TNKS1BP1: variants seen among roughly 807,000 people sequenced by gnomAD.
TNKS1BP1 encodes the protein CCR4-NOT transcription complex subunit 12.
Under a neutral mutation model 141.1 loss-of-function variants are expected in TNKS1BP1, and 48 were observed. The ratio of observed to expected loss-of-function variants is 0.34; its 90% CI spans 0.27 to 0.43. TNKS1BP1 has a LOEUF of 0.43. Among genes scored for constraint, TNKS1BP1 ranks in the 20% least tolerant of loss-of-function variants. TNKS1BP1 has a pLI of 1.00. For missense variants in TNKS1BP1, 2,149 were observed against 2,226.0 expected, an observed-to-expected ratio of 0.97 and a Z score of 0.70; for synonymous variants, 875 against 898.2, an observed-to-expected ratio of 0.97 and a Z score of 0.46.
Position 57,317,702 on chromosome 11 carries a change from C to G in TNKS1BP1, c.798+116G>C. On this transcript the variant is annotated intron_variant, in intron 4 of 11. Coordinates refer to ENST00000358252, the MANE Select transcript of TNKS1BP1 (RefSeq NM_033396.3). ...AGGGCCAGCCCTCCAGTGAGTCACT[C>G]TCCCCATGGGCCTCAGTTTCCCCAT... The G allele has an allele frequency of 3.6e-6, 4 of 1,113,342 alleles. No individual in the cohort carries two copies. The South Asian group carries it at 5.7e-5, about 16-fold the overall frequency. The allele number at this position is 1,113,342 out of a possible 1,614,324, so 69.0% of individuals were successfully genotyped here.
chr11:57,311,826 C>A (rs1199616925), intron 5 of TNKS1BP1, among the ~76,000 whole-genome samples: 1 of 152,272 alleles, frequency 6.6e-6, no homozygotes, highest in South Asian at 2.1e-4. Context: ...CTGCACAAGG[C>A]TAACCTCCTC....
Position 57,313,388 on chromosome 11 carries a change from G to A in TNKS1BP1, c.1300C>T (p.Gln434Ter). The change falls in exon 5 of 12, where the codon CAG (glutamine) becomes TAG (stop). Residue 434 changes from glutamine (Q) to a stop codon, truncating the protein, a stop_gained. Transcript: ENST00000358252. LOFTEE classifies it high-confidence loss of function. Reference protein sequence around the residue: ...VQRRFSEGVLQSPSQDQEKLG... With the variant: ...VQRRFSEGVL ...TTCTCCTGGTCCTGACTGGGTGACT[G>A]GAGCACACCTTCAGAGAATCGGCGC... is the stretch of plus-strand genomic sequence containing the variant. 2 of 1,612,470 alleles carry A rather than the reference G, an allele frequency of 1.2e-6. No individual in the cohort carries two copies. The highest frequency in any genetic ancestry group is 1.7e-6 in the Non-Finnish European group (2 of 1,179,522).
In TNKS1BP1 at chr11:57,308,688, C is replaced by G. The variant is rs768923914; in HGVS notation, c.4023G>C (p.Gln1341His). Residue 1341 changes from glutamine to histidine, a missense_variant, in exon 6 of 12, where the codon CAG becomes CAC. Physicochemically the swap from Gln to His is conservative, Grantham distance 24 (BLOSUM62 0). Transcript: ENST00000358252. ...SQGLRGCGVG[Q>H]MDWTQDLAPQ... is the part of the protein sequence containing the mutation. ...GCGCCAAGTCCTGGGTCCAGTCCAT[C>G]TGCCCCACTCCACATCCCCGTAGCC... The G allele has an allele frequency of 1.8e-5, 29 of 1,612,798 alleles. No individual in the cohort carries two copies. The highest frequency in any genetic ancestry group is 3.3e-5 in the Admixed American group (2 of 59,998).
In TNKS1BP1 at chr11:57,309,028, G is replaced by A; in HGVS notation, c.3683C>T (p.Thr1228Ile). Residue 1228 changes from threonine to isoleucine, a missense_variant, in exon 6 of 12, where the codon ACT (threonine) becomes ATT (isoleucine). Coordinates refer to ENST00000358252, the MANE Select transcript of TNKS1BP1 (RefSeq NM_033396.3). This position sits in a 1 kb window ranked among gnomAD's most constrained non-coding sequence, Gnocchi z 4.3. ...GGIGVGEKDWTSDVNVKSKDL... is the reference protein window; with the variant it reads ...GGIGVGEKDWISDVNVKSKDL... ...TTTGCTCTTCACATTAACATCAGAA[G>A]TCCAGTCCTTCTCCCCAACTCCGAT... The A allele has an allele frequency of 6.2e-7, 1 of 1,614,152 alleles. No homozygotes were observed. Among genetic ancestry groups the A allele is most frequent in the Non-Finnish European group, 8.5e-7 (1 of 1,180,024 alleles).
intron 6 of TNKS1BP1, among the ~76,000 whole-genome samples, chr11:57,307,264 A>AC (rs1473196064): frequency 6.6e-6 from 1 of 152,040 alleles, no homozygotes; most frequent in African/African-American, 2.4e-5. Context: ...GAGCCCAGCA[A>AC]CCTGCCCAGG....
At chr11:57,301,527 C>T (rs534621776) in intron 9 of TNKS1BP1, among the ~76,000 whole-genome samples, 26 of 152,336 alleles carry the variant, frequency 1.7e-4, no homozygotes, top group African/African-American at 6.0e-4. Context: ...TAAACTTCTT[C>T]TCTCATCCAG....
At position 57,309,893 on chromosome 11, in the gene TNKS1BP1, A is replaced by G; in HGVS notation, c.2818T>C (p.Tyr940His). The G allele has an allele frequency of 6.2e-7, 1 of 1,614,118 alleles. No individual in the cohort carries two copies. Among genetic ancestry groups the G allele is most frequent in the Non-Finnish European group, 8.5e-7 (1 of 1,180,018 alleles). The change falls in exon 6 of 12, where the codon TAT becomes CAT. Residue 940 changes from tyrosine (Y) to histidine (H), a missense_variant. Physicochemically the swap from Tyr to His is moderately conservative, Grantham distance 83. Transcript: ENST00000358252. The surrounding 1 kb of genome is among the most constrained non-coding windows in gnomAD (Gnocchi z 4.3). ...FQKRDVSLGTYGSRAAEPQEQ... is the reference protein window; with the variant it reads ...FQKRDVSLGTHGSRAAEPQEQ... Reference sequence around the variant, plus strand: ...TGTGGCTCCGCAGCCCGGCTGCCATAGGTGCCGAGTGACACATCTCTCTTC... The same window carrying G: ...TGTGGCTCCGCAGCCCGGCTGCCATGGGTGCCGAGTGACACATCTCTCTTC...
Position 57,320,216 on chromosome 11 carries a change from A to G in TNKS1BP1, c.591T>C (p.Tyr197=). The G allele has an allele frequency of 4.3e-6, 7 of 1,614,130 alleles. No individual in the cohort carries two copies. Among genetic ancestry groups the G allele is most frequent in the Non-Finnish European group, 5.9e-6 (7 of 1,180,018 alleles). ...TGGTCGTGCCATAGGTCCTGGGGCC[A>G]TATCGCGAGCTGCCATCGTGGTTAA... ...LTFNHDGSSR[Y]GPRTYGTTTA... The change falls in exon 3 of 12, where the codon TAT becomes TAC. Residue 197 remains tyrosine (Y), a synonymous_variant. Transcript: ENST00000358252.
At position 57,313,190 on chromosome 11, in the gene TNKS1BP1, T is replaced by C. The variant is rs756729891; in HGVS notation, c.1498A>G (p.Ile500Val). The change falls in exon 5 of 12, where the codon ATC (isoleucine) becomes GTC (valine). Residue 500 changes from isoleucine (I) to valine (V), a missense_variant. Physicochemically the swap from Ile to Val is conservative, Grantham distance 29. Coordinates refer to ENST00000358252, the MANE Select transcript of TNKS1BP1 (RefSeq NM_033396.3). Reference sequence around the variant, plus strand: ...TCGGCGGCCTCACTGGCTTCAGTGATGGGGGAGGGAGGCGGGGAGTCCAGC... The same window carrying C: ...TCGGCGGCCTCACTGGCTTCAGTGACGGGGGAGGGAGGCGGGGAGTCCAGC... ...WRLDSPPPSP[I>V]TEASEAAEAA... 1 of 1,612,434 alleles carries C rather than the reference T, an allele frequency of 6.2e-7. No homozygotes were observed. The highest frequency in any genetic ancestry group is 1.1e-5 in the South Asian group (1 of 91,058).
At chr11:57,312,393 A>C in intron 5 of TNKS1BP1, 141 bp downstream of exon 5, 1 of 875,960 alleles carries the variant, frequency 1.1e-6, no homozygotes, top group Non-Finnish European at 1.6e-6. Flanking sequence ...CTGCAGAGCT[A>C]CAATCTGCAG....
Position 57,307,965 on chromosome 11 carries a change from T to C in TNKS1BP1, c.4316+430A>G, listed in dbSNP as rs529710032. On this transcript the variant is annotated intron_variant, in intron 6 of 11. Transcript: ENST00000358252. ...TGGGTTCCACTGTCCACTCCACTCC[T>C]GGCTGTGGTGGCCCCAGCCAAGAAG... 3.3e-5 allele frequency among the ~76,000 whole-genome samples: 5 copies of C among 152,338 alleles called. No individual in the cohort carries two copies. The South Asian group carries it at 1.0e-3, about 32-fold the overall frequency.
At position 57,301,902 on chromosome 11, in the gene TNKS1BP1, C is replaced by T. The variant is rs755470741; in HGVS notation, c.4876G>A (p.Val1626Met). The change falls in exon 9 of 12, where the codon GTG (valine) becomes ATG (methionine). Residue 1626 changes from valine to methionine, a missense_variant. By Grantham distance (21) the Val-to-Met change is conservative (BLOSUM62 1). Transcript: ENST00000358252. ...SRVPSSDEEV[V>M]EEPQSRRTRM... Reference sequence around the variant, plus strand: ...GTCCGGCGGCTCTGAGGTTCCTCCACTACCTCTTCATCTGAAGATGGCACC... The same window carrying T: ...GTCCGGCGGCTCTGAGGTTCCTCCATTACCTCTTCATCTGAAGATGGCACC... 4 of 1,614,024 alleles carry T rather than the reference C, an allele frequency of 2.5e-6. No individual in the cohort carries two copies. In the African/African-American group the frequency reaches 5.3e-5, roughly 22 times the overall value.
rs776082623 is a variant in TNKS1BP1, at chr11:57,320,102, C to T, written c.705G>A (p.Glu235=). The T allele has an allele frequency of 2.1e-6, 3 of 1,456,764 alleles. No homozygotes were observed. The highest frequency in any genetic ancestry group is 2.8e-6 in the Non-Finnish European group (3 of 1,081,566). The allele number at this position is 1,456,764 out of a possible 1,614,324, so 90.2% of individuals were successfully genotyped here. The part of the protein sequence containing the change: ...PVKSPAECRE[E]HSKTPEERSL... ...ACCTCTCCTCAGGGGTCTTGCTGTGCTCTTCCCGGCACTCTGCTGGAGACT... is the reference window on the plus strand; with the variant it reads ...ACCTCTCCTCAGGGGTCTTGCTGTGTTCTTCCCGGCACTCTGCTGGAGACT... Residue 235 remains glutamate, a synonymous_variant, in exon 3 of 12, where the codon GAG becomes GAA. Transcript: ENST00000358252.
rs1590573151 is a variant in TNKS1BP1 at position 57,300,984 on chromosome 11, A to C, written c.5029T>G (p.Ser1677Ala). The C allele has an allele frequency of 6.2e-7, 1 of 1,613,976 alleles. No homozygotes were observed. The highest frequency in any genetic ancestry group is 1.3e-5 in the African/African-American group (1 of 74,984). The change falls in exon 10 of 12, where the codon TCG (serine) becomes GCG (alanine). Residue 1677 changes from serine (S) to alanine (A), a missense_variant. Ser to Ala is a moderately conservative substitution (Grantham distance 99, BLOSUM62 1). Coordinates refer to ENST00000358252, the MANE Select transcript of TNKS1BP1 (RefSeq NM_033396.3). ...AEEGELAESK[S>A]SQKESAVQRS... ...TGGACCGCGGACTCCTTCTGGCTCG[A>C]CTTGCTCTCAGCCAGCTCTCCCTCC...
At position 57,309,612 on chromosome 11, in the gene TNKS1BP1, G is replaced by T; in HGVS notation, c.3099C>A (p.Ala1033=). 6.2e-7 allele frequency: 1 copy of T among 1,613,976 alleles called. No homozygotes were observed. Among genetic ancestry groups the T allele is most frequent in the Non-Finnish European group, 8.5e-7 (1 of 1,180,030 alleles). The change falls in exon 6 of 12, where the codon GCC becomes GCA. Residue 1033 remains alanine (A), a synonymous_variant. Coordinates refer to ENST00000358252, the MANE Select transcript of TNKS1BP1 (RefSeq NM_033396.3). The surrounding 1 kb of genome is among the most constrained non-coding windows in gnomAD (Gnocchi z 4.3). The part of the protein sequence containing the change: ...GSGGLFSPST[A]HVPDGALGQR... ...GCCCGAGTGCCCCATCCGGCACGTG[G>T]GCAGTGCTAGGACTGAACAAGCCCC...
intron 3 of TNKS1BP1, among the ~76,000 whole-genome samples, chr11:57,318,882 C>A (rs1390102797): frequency 6.6e-6 from 1 of 152,226 alleles, no homozygotes; most frequent in African/African-American, 2.4e-5. Flanking sequence ...CAGTGGCTCA[C>A]GCCTGTAATC....
rs1565045849 is a variant in TNKS1BP1 at position 57,317,913 on chromosome 11, G to A, written c.729-26C>T. 4 of 1,609,046 alleles carry A rather than the reference G, an allele frequency of 2.5e-6. 1 individual carries two copies. Reference sequence around the variant, plus strand: ...CTGTGAGGGACGAGGACAGGAAATGGAAGCACGGAATGTTAGAGTCTGTCA... The same window carrying A: ...CTGTGAGGGACGAGGACAGGAAATGAAAGCACGGAATGTTAGAGTCTGTCA... On this transcript the variant is annotated intron_variant, in intron 3 of 11. Transcript: ENST00000358252.
Position 57,313,251 on chromosome 11 carries a change from G to C in TNKS1BP1, c.1437C>G (p.Thr479=). ...CCAGACCCGAGGGCCTCGTGGGGAA[G>C]GTCCATTCGAAGGACTGTGATAAGC... ...NWSLSQSFEW[T]FPTRPSGLGV... Residue 479 remains threonine (T), a synonymous_variant, in exon 5 of 12, where the codon ACC becomes ACG. Transcript: ENST00000358252. 1 of 1,612,920 alleles carries C rather than the reference G, an allele frequency of 6.2e-7. No homozygotes were observed. Among genetic ancestry groups the C allele is most frequent in the South Asian group, 1.1e-5 (1 of 91,086 alleles).
At position 57,313,427 on chromosome 11, in the gene TNKS1BP1, T is replaced by C. The variant is rs773169686; in HGVS notation, c.1261A>G (p.Thr421Ala). ...GAGAATCGGCGCTGAACCAGGCTGG[T>C]GGGGCGGAGGTGTGCGTCACCCTTG... ...EAKGDAHLRPTSLVQRRFSEG... is the reference protein window; with the variant it reads ...EAKGDAHLRPASLVQRRFSEG... Residue 421 changes from threonine to alanine, a missense_variant, in exon 5 of 12, where the codon ACC becomes GCC. Coordinates refer to ENST00000358252, the MANE Select transcript of TNKS1BP1 (RefSeq NM_033396.3). 1.9e-6 allele frequency: 3 copies of C among 1,610,392 alleles called. No individual in the cohort carries two copies. Among genetic ancestry groups the C allele is most frequent in the African/African-American group, 1.3e-5 (1 of 74,988 alleles).
Sources: allele counts gnomAD v4.1 joint callset (sites outside exome capture counted in the v4.1 genomes callset), GRCh38; gene constraint gnomAD v4.1.1; non-coding constraint Gnocchi (gnomAD v3.1); transcripts MANE v1.5; gene names NCBI Gene and HGNC (gene_info 2026-07-23, HGNC 2026-07-21).